Variants in TRA2A observed in about 807,000 individuals in gnomAD.
The protein encoded by TRA2A is transformer-2 protein homolog alpha.
Under a neutral mutation model 45.7 loss-of-function variants are expected in TRA2A, and 31 were observed. The ratio of observed to expected loss-of-function variants is 0.68; its 90% confidence interval spans 0.51 to 0.92. The LOEUF is 0.92. Ranked by LOEUF, TRA2A falls within the 40% of genes least tolerant of loss-of-function variation. The pLI, the probability that TRA2A is intolerant of heterozygous loss-of-function variation, is 0.00. For synonymous variants in TRA2A, 132 were observed against 126.2 expected (o/e 1.05, Z -0.31); for missense variants, 304 against 367.5 (o/e 0.83, Z 1.41).
At chr7:23,506,095 C>T (rs375838668) in intron 6 of TRA2A, 43 bp downstream of exon 6, 10 of 1,531,740 alleles carry the variant, frequency 6.5e-6, no homozygotes, top group African/African-American at 1.4e-5. Flanking sequence ...AGTAACACTA[C>T]TATCATCTAA....
At chr7:23,505,997 ACTG>A (rs1789317754) in intron 6 of TRA2A, 138 bp downstream of exon 6, 4 of 794,532 alleles carry the variant, frequency 5.0e-6, no homozygotes, top group African/African-American at 3.4e-5. Flanking sequence ...ACATATACAG[ACTG>A]CTAACTTCTG....
intron 2 of TRA2A, among the ~76,000 whole-genome samples, chr7:23,520,737 G>A (rs1790099287): frequency 6.8e-6 from 1 of 147,900 alleles, no homozygotes; most frequent in South Asian, 2.1e-4. Context: ...GTCACCCAGG[G>A]TGGAGTGCAC....
intron 1 of TRA2A, among the ~76,000 whole-genome samples, chr7:23,529,409 C>T (rs976446822): frequency 2.0e-5 from 3 of 152,100 alleles, no homozygotes; most frequent in South Asian, 4.1e-4. Context: ...CACAGGCGCA[C>T]GCCACCACGC....
chr7:23,517,503 A>AAAAAAAAAAAAAAAAAGAG (rs764849438), intron 2 of TRA2A, among the ~76,000 whole-genome samples: 6 of 116,248 alleles, frequency 5.2e-5, no homozygotes, highest in East Asian at 3.3e-4. Flanking sequence ...AAAAAAAAAA[A>AAAAAAAAAAAAAAAAAGAG]AGAGAGAAAG....
At chr7:23,508,879 C>G (rs1378365688) in intron 4 of TRA2A, among the ~76,000 whole-genome samples, 1 of 152,102 alleles carries the variant, frequency 6.6e-6, no homozygotes, top group Non-Finnish European at 1.5e-5. Flanking sequence ...CCCACCTCAG[C>G]CTCCCAAATA....
In TRA2A at chr7:23,505,453, TTTC is replaced by T. The variant is rs1296549314; in HGVS notation, c.*103_*105del. On this transcript the variant is annotated 3_prime_UTR_variant, in exon 8 of 8. Transcript: ENST00000297071. The stretch of plus-strand genomic sequence containing the variant: ...TAGATGCTAAATAAACCAAAGTTTT[TTTC>T]TTAAGGAGTAGGAAGAATCCACAGC... The T allele has an allele frequency of 1.9e-6, 1 of 534,988 alleles. No homozygotes were observed. The highest frequency in any genetic ancestry group is 3.7e-5 in the Admixed American group (1 of 26,984). The allele number at this position is 534,988 out of a possible 1,614,324, so 33.1% of individuals were successfully genotyped here.
chr7:23,511,129 T>C (rs1033828339), intron 4 of TRA2A, among the ~76,000 whole-genome samples: 7 of 151,822 alleles, frequency 4.6e-5, no homozygotes, highest in African/African-American at 1.7e-4. Context: ...TCCAACACCT[T>C]GGGAGGCTGA....
intron 4 of TRA2A, among the ~76,000 whole-genome samples, chr7:23,511,058 G>T (rs1195718337): frequency 6.6e-6 from 1 of 152,022 alleles, no homozygotes; most frequent in African/African-American, 2.4e-5. Context: ...CAGATGCCAA[G>T]AACTTACTGT....
intron 4 of TRA2A, among the ~76,000 whole-genome samples, chr7:23,512,510 G>C (rs903778616): frequency 6.6e-6 from 1 of 152,014 alleles, no homozygotes; most frequent in African/African-American, 2.4e-5. Flanking sequence ...CCAGGCTGGA[G>C]TACAGTGGCG....
rs1562784500 is a variant in TRA2A, at chr7:23,506,248, TCCA to T, written c.657_659del (p.Gly231del). The T allele has an allele frequency of 6.8e-7, 1 of 1,479,010 alleles. No homozygotes were observed. The highest frequency in any genetic ancestry group is 9.3e-7 in the Non-Finnish European group (1 of 1,073,212). 91.6% of individuals were successfully genotyped at this position (1,479,010 alleles called of 1,614,324 possible). On this transcript the variant is annotated inframe_deletion, in exon 6 of 8. Transcript: ENST00000297071. Reference sequence around the variant, plus strand: ...CTCCACCTCCACCGCCGCCGCCTCCTCCACCACCCCCACCACTACTGCAGAAAA... The same window carrying T: ...CTCCACCTCCACCGCCGCCGCCTCCTCCACCCCCACCACTACTGCAGAAAA...
chr7:23,526,209 T>C (rs372927113), intron 1 of TRA2A, among the ~76,000 whole-genome samples: 1 of 152,190 alleles, frequency 6.6e-6, no homozygotes, highest in African/African-American at 2.4e-5. Flanking sequence ...TGTGTCATAC[T>C]ATAAAAAGAA....
At chr7:23,505,996 G>A in intron 6 of TRA2A, 142 bp downstream of exon 6, 1 of 792,222 alleles carries the variant, frequency 1.3e-6, no homozygotes. Flanking sequence ...GACATATACA[G>A]ACTGCTAACT....
intron 4 of TRA2A, among the ~76,000 whole-genome samples, chr7:23,508,014 G>C (rs894445127): frequency 1.3e-5 from 2 of 151,982 alleles, no homozygotes; most frequent in African/African-American, 4.8e-5. Context: ...CATTAAAAAG[G>C]GTTTGCTAAG....
intron 4 of TRA2A, among the ~76,000 whole-genome samples, chr7:23,508,134 CAAG>C (rs1488226079): frequency 6.6e-6 from 1 of 152,040 alleles, no homozygotes; most frequent in Non-Finnish European, 1.5e-5. Context: ...TATAAACAGA[CAAG>C]AACAAATTTA....
At chr7:23,526,169 A>C (rs1790333537) in intron 1 of TRA2A, among the ~76,000 whole-genome samples, 1 of 152,214 alleles carries the variant, frequency 6.6e-6, no homozygotes, top group Non-Finnish European at 1.5e-5. Flanking sequence ...TTCCTACAGC[A>C]AGCAATAACT....
chr7:23,508,593 C>G (rs991669530), intron 4 of TRA2A, among the ~76,000 whole-genome samples: 15 of 152,200 alleles, frequency 9.9e-5, no homozygotes, highest in Admixed American at 8.5e-4. Context: ...CTCCCAGGTT[C>G]AAGTGATTCT....
intron 1 of TRA2A, among the ~76,000 whole-genome samples, chr7:23,523,871 ATCTTCCC>A (rs1790234847): frequency 1.3e-5 from 2 of 152,242 alleles, no homozygotes; most frequent in East Asian, 3.8e-4. Flanking sequence ...TCATAAGAGT[ATCTTCCC>A]CTCTTCTCTT....
intron 1 of TRA2A, among the ~76,000 whole-genome samples, chr7:23,527,697 C>T (rs982239014): frequency 2.0e-5 from 3 of 152,154 alleles, no homozygotes; most frequent in African/African-American, 7.2e-5. Flanking sequence ...ATATTTAAAT[C>T]CCTGGACATT....
chr7:23,506,090 CACT>C (rs1789321577), intron 6 of TRA2A, 45 bp downstream of exon 6: 2 of 1,497,044 alleles, frequency 1.3e-6, no homozygotes, highest in Non-Finnish European at 1.8e-6. Context: ...TGCCAAGTAA[CACT>C]ACTATCATCT....
Sources: gnomAD v4.1 joint callset for allele counts (sites outside exome capture counted in the v4.1 genomes callset) on GRCh38, gnomAD v4.1.1 for gene constraint, MANE v1.5 for transcripts, NCBI Gene and HGNC (gene_info 2026-07-23, HGNC 2026-07-21) for gene names.